The following NLRX1 variants were observed in gnomAD, a reference collection of about 807,000 sequenced individuals.
NLRX1 encodes NOD-like receptor X1.
NLRX1 carries 67 observed loss-of-function variants against 74.2 expected under a neutral mutation model. That is an observed-to-expected ratio of 0.90 (90% CI 0.74 to 1.11). The LOEUF is 1.11. NLRX1 is among the 50% of genes least tolerant of loss of function. The probability of loss-of-function intolerance (pLI) is 0.00; values close to 1 mark genes in which losing one functional copy is unlikely to be tolerated. For missense variants in NLRX1, 1,191 were observed against 1,305.4 expected (o/e 0.91, Z 1.35); for synonymous variants, 506 against 559.1 (o/e 0.91, Z 1.34).
chr11:119,180,908 G>A (rs922103384), intron 7 of NLRX1, among the ~76,000 whole-genome samples: 2 of 151,964 alleles, frequency 1.3e-5, no homozygotes, highest in African/African-American at 4.8e-5. Context: ...AGGTGTGGTG[G>A]CATGTAGCTA....
chr11:119,181,257 G>T lies in NLRX1; in HGVS notation c.2354G>T (p.Arg785Leu), dbSNP rs765127292. ...LHDQCQITTLRLSNNPLTAAG... is the reference protein window; with the variant it reads ...LHDQCQITTLLLSNNPLTAAG... ...GACCAGTGCCAAATTACCACACTGCGGTGAGTGACCTGGGAGTGGGGCATC... is the reference window on the plus strand; with the variant it reads ...GACCAGTGCCAAATTACCACACTGCTGTGAGTGACCTGGGAGTGGGGCATC... The change falls in exon 8 of 10, where the codon CGG (arginine) becomes CTG (leucine). Residue 785 changes from arginine to leucine, a missense_variant and splice_region_variant. Physicochemically the swap from Arg to Leu is moderately radical, Grantham distance 102 (BLOSUM62 -2). Transcript: ENST00000409109. 3.7e-6 allele frequency: 6 copies of T among 1,612,744 alleles called. No homozygotes were observed. The East Asian group carries it at 1.1e-4, about 30-fold the overall frequency.
chr11:119,173,133 G>A lies in NLRX1; in HGVS notation c.229+144G>A. On this transcript the variant is annotated intron_variant, in intron 4 of 9. Coordinates refer to ENST00000409109, the MANE Select transcript of NLRX1 (RefSeq NM_001282144.2). The surrounding 1 kb of genome is among the most constrained non-coding windows in gnomAD (Gnocchi z 4.0). ...TCCTCTCTCTCTCTCCCTCCCATCC[G>A]TCTATGTATCCCTTCCTGCAATACT... 3 of 677,424 alleles carry A rather than the reference G, an allele frequency of 4.4e-6. No individual in the cohort carries two copies. The highest frequency in any genetic ancestry group is 7.9e-6 in the Non-Finnish European group (3 of 380,526). The allele number at this position is 677,424 out of a possible 1,614,324, so 42.0% of individuals were successfully genotyped here.
rs866528025 is a variant in NLRX1, at chr11:119,173,912, G to A, written c.663G>A (p.Thr221=). 2.0e-5 allele frequency: 33 copies of A among 1,613,494 alleles called. 3 individuals are homozygous for A. The Middle Eastern group carries it at 3.8e-3, about 186-fold the overall frequency. The change falls in exon 5 of 10, where the codon ACG becomes ACA. Residue 221 remains threonine, a synonymous_variant. Coordinates refer to ENST00000409109, the MANE Select transcript of NLRX1 (RefSeq NM_001282144.2). The surrounding 1 kb of genome is among the most constrained non-coding windows in gnomAD (Gnocchi z 4.0). The part of the protein sequence containing the change: ...SLCQLVAQRY[T]PLKEVLPLMA... ...GCCAACTTGTGGCCCAGCGCTACACGCCCCTGAAGGAGGTTCTGCCCCTGA... is the reference window on the plus strand; with the variant it reads ...GCCAACTTGTGGCCCAGCGCTACACACCCCTGAAGGAGGTTCTGCCCCTGA...
intron 2 of NLRX1, 66 bp from the exon 3 acceptor site, chr11:119,172,290 G>A: frequency 8.0e-7 from 1 of 1,255,438 alleles, no homozygotes; most frequent in Non-Finnish European, 1.2e-6. Context: ...TGGGGGGTTT[G>A]ATGTAGACAT....
At chr11:119,169,918 C>A (rs926528363) in intron 1 of NLRX1, among the ~76,000 whole-genome samples, 1 of 143,636 alleles carries the variant, frequency 7.0e-6, no homozygotes, top group African/African-American at 2.6e-5. Flanking sequence ...ATGGCTTGAG[C>A]CCAGGAGGTA....
Position 119,179,811 on chromosome 11 carries a change from T to C in NLRX1, c.1790T>C (p.Met597Thr), listed in dbSNP as rs926010418. 1.3e-5 allele frequency: 21 copies of C among 1,614,086 alleles called. No individual in the cohort carries two copies. The Admixed American group carries it at 2.5e-4, about 19-fold the overall frequency. ...TACAACGATGATGTTCTGGACCAGA[T>C]GGGCGCCAGTATCCTGGGCGTGGAG... ...DYYNDDVLDQMGASILGVEGP... is the reference protein window; with the variant it reads ...DYYNDDVLDQTGASILGVEGP... The change falls in exon 7 of 10, where the codon ATG (methionine) becomes ACG (threonine). Residue 597 changes from methionine to threonine, a missense_variant. Physicochemically the swap from Met to Thr is moderately conservative, Grantham distance 81. Transcript: ENST00000409109.
chr11:119,169,955 TACTGCACTCCAGCCTGGGCA>T (rs1490333752), intron 1 of NLRX1, among the ~76,000 whole-genome samples: 1 of 125,022 alleles, frequency 8.0e-6, no homozygotes, highest in Non-Finnish European at 1.6e-5. Flanking sequence ...GAGATCGTAC[TACTGCACTCCAGCCTGGGCA>T]ACAGAGCGAG....
At chr11:119,178,124 C>T (rs1948742960) in intron 6 of NLRX1, among the ~76,000 whole-genome samples, 1 of 152,138 alleles carries the variant, frequency 6.6e-6, no homozygotes, top group Non-Finnish European at 1.5e-5. Flanking sequence ...GCTATGATCA[C>T]ACCACTGCAC....
intron 1 of NLRX1, among the ~76,000 whole-genome samples, chr11:119,169,572 T>G (rs1420720108): frequency 6.6e-6 from 1 of 152,206 alleles, no homozygotes; most frequent in Non-Finnish European, 1.5e-5. Context: ...AAGCGTACCC[T>G]GCCCAAGAAG....
At position 119,182,243 on chromosome 11, in the gene NLRX1, G is replaced by A. The variant is rs767422188; in HGVS notation, c.2504G>A (p.Arg835Gln). Residue 835 changes from arginine to glutamine, a missense_variant, in exon 9 of 10, where the codon CGG becomes CAG. Transcript: ENST00000409109. ...ELLAAQLDRN[R>Q]QLQELNVAYN... is the part of the protein sequence containing the mutation. Reference sequence around the variant, plus strand: ...CTGGCTGCCCAGCTGGACCGCAACCGGCAGCTGCAGGAGCTGAACGTGGCG... The same window carrying A: ...CTGGCTGCCCAGCTGGACCGCAACCAGCAGCTGCAGGAGCTGAACGTGGCG... The A allele has an allele frequency of 1.1e-5, 17 of 1,613,668 alleles. No homozygotes were observed. Among genetic ancestry groups the A allele is most frequent in the Middle Eastern group, 1.6e-4 (1 of 6,072 alleles).
intron 6 of NLRX1, 63 bp from the exon 7 acceptor site, chr11:119,179,630 G>A: frequency 6.9e-7 from 1 of 1,446,110 alleles, no homozygotes; most frequent in Non-Finnish European, 9.5e-7. Context: ...ACCTTAAGCT[G>A]AACCTTGAAG....
chr11:119,174,408 C>T lies in NLRX1; in HGVS notation c.850-45C>T, dbSNP rs979026415. On this transcript the variant is annotated intron_variant, in intron 5 of 9. Coordinates refer to ENST00000409109, the MANE Select transcript of NLRX1 (RefSeq NM_001282144.2). ...GTCCCCTGGGAATAGAAGCAGTCAA[C>T]AGGACACTAAGGTCTTTCTTAACTC... 7 of 1,570,796 alleles carry T rather than the reference C, an allele frequency of 4.5e-6. No homozygotes were observed. The Admixed American group carries it at 6.9e-5, about 15-fold the overall frequency.
At chr11:119,175,379 C>T (rs752299009) in intron 6 of NLRX1, 105 bp downstream of exon 6, 4 of 952,012 alleles carry the variant, frequency 4.2e-6, no homozygotes, top group Admixed American at 2.4e-5. Flanking sequence ...TGCTCCTCTC[C>T]CAGCAGGAAA....
Position 119,175,069 on chromosome 11 carries a change from C to T in NLRX1, c.1466C>T (p.Thr489Ile). The T allele has an allele frequency of 6.2e-7, 1 of 1,614,160 alleles. No homozygotes were observed. Among genetic ancestry groups the T allele is most frequent in the Non-Finnish European group, 8.5e-7 (1 of 1,180,048 alleles). Residue 489 changes from threonine (T) to isoleucine (I), a missense_variant, in exon 6 of 10, where the codon ACC becomes ATC. Thr to Ile is a moderately conservative substitution (Grantham distance 89). Coordinates refer to ENST00000409109, the MANE Select transcript of NLRX1 (RefSeq NM_001282144.2). ...APCVEPGRAG[T>I]FVFTVPAMQE... ...TGTGTGGAGCCAGGGCGTGCAGGCA[C>T]CTTCGTGTTCACCGTGCCCGCCATG...
In NLRX1 at chr11:119,180,221, T is replaced by C. The variant is rs1461734446; in HGVS notation, c.2200T>C (p.Ser734Pro). ...RHALDEVNLA[S>P]CQLDPAGLRT... ...TGCCCTGGATGAGGTGAACTTGGCC[T>C]CCTGCCAGCTAGATCCTGCTGGGCT... is the stretch of plus-strand genomic sequence containing the variant. The change falls in exon 7 of 10, where the codon TCC (serine) becomes CCC (proline). Residue 734 changes from serine to proline, a missense_variant. Physicochemically the swap from Ser to Pro is moderately conservative, Grantham distance 74 (BLOSUM62 -1). Transcript: ENST00000409109. 1 of 1,611,186 alleles carries C rather than the reference T, an allele frequency of 6.2e-7. No individual in the cohort carries two copies. The highest frequency in any genetic ancestry group is 1.3e-5 in the African/African-American group (1 of 75,038).
At chr11:119,172,475 G>T in intron 3 of NLRX1, 50 bp downstream of exon 3, 1 of 1,377,880 alleles carries the variant, frequency 7.3e-7, no homozygotes, top group South Asian at 1.2e-5. Flanking sequence ...CAACAGAGCA[G>T]ACTGGGAAGG....
rs1272387360 is a variant in NLRX1, at chr11:119,180,206, G to A, written c.2185G>A (p.Glu729Lys). The change falls in exon 7 of 10, where the codon GAG becomes AAG. Residue 729 changes from glutamate (E) to lysine (K), a missense_variant. Transcript: ENST00000409109. ...VLGSGRHALD[E>K]VNLASCQLDP... ...GGGCAGCGGAAGGCATGCCCTGGAT[G>A]AGGTGAACTTGGCCTCCTGCCAGCT... is the stretch of plus-strand genomic sequence containing the variant. 2 of 1,612,014 alleles carry A rather than the reference G, an allele frequency of 1.2e-6. No homozygotes were observed. The highest frequency in any genetic ancestry group is 1.7e-6 in the Non-Finnish European group (2 of 1,178,626).
rs369057694 is a variant in NLRX1 at position 119,173,993 on chromosome 11, C to T, written c.744C>T (p.Asn248=). The part of the protein sequence containing the change: ...LFVLHGLEHL[N]LDFRLAGTGL... ...TGCTCCATGGCTTAGAGCATCTCAA[C>T]CTCGACTTCCGGCTGGCAGGCACGG... Residue 248 remains asparagine, a synonymous_variant, in exon 5 of 10, where the codon AAC becomes AAT. Transcript: ENST00000409109. This position sits in a 1 kb window ranked among gnomAD's most constrained non-coding sequence, Gnocchi z 4.0. The T allele has an allele frequency of 2.4e-5, 39 of 1,614,064 alleles. No homozygotes were observed. Among genetic ancestry groups the T allele is most frequent in the Non-Finnish European group, 3.1e-5 (37 of 1,180,044 alleles).
chr11:119,181,461 G>C (rs1461138483), intron 8 of NLRX1: 1 of 562,862 alleles, frequency 1.8e-6, no homozygotes, highest in African/African-American at 1.9e-5. Context: ...TGGGTGCTAA[G>C]AAACCTCTCA....
Sources: gnomAD v4.1 joint callset for allele counts (sites outside exome capture counted in the v4.1 genomes callset) on GRCh38, gnomAD v4.1.1 for gene constraint, Gnocchi (gnomAD v3.1) non-coding constraint, MANE v1.5 for transcripts, NCBI Gene and HGNC (gene_info 2026-07-23, HGNC 2026-07-21) for gene names.